Variants in EVC2 observed in about 807,000 individuals in gnomAD.
The protein encoded by EVC2 is limbin.
A neutral mutation model predicts 149.3 loss-of-function variants in EVC2; 148 were observed. That is an observed-to-expected ratio of 0.99 (90% confidence interval 0.87 to 1.14). EVC2 has a LOEUF of 1.14. EVC2 is among the 50% of genes most tolerant of loss of function. The pLI is 0.00. For missense variants in EVC2, 1,854 were observed against 1,627.3 expected, an observed-to-expected ratio of 1.14 and a Z score of -2.40; for synonymous variants, 776 against 649.9, an observed-to-expected ratio of 1.19 and a Z score of -2.95.
chr4:5,587,519 A>C lies in EVC2; in HGVS notation c.2830-2669T>G, dbSNP rs563931634. Among the ~76,000 whole-genome samples, 14 of 152,350 alleles carry C rather than the reference A, an allele frequency of 9.2e-5. 1 individual carries two copies. In the Middle Eastern group the frequency reaches 0.014, roughly 148 times the overall value. On this transcript the variant is annotated intron_variant, in intron 16 of 21. Transcript: ENST00000344408. ...GGAAGATTTTTAAAATTAAAAGAGA[A>C]TCTAACGTAAGTACCCATGTAGTTA...
rs376238707 is a variant in EVC2 at position 5,622,742 on chromosome 4, G to T, written c.2296C>A (p.Arg766Ser). The T allele has an allele frequency of 4.3e-6, 7 of 1,613,982 alleles. No individual in the cohort carries two copies. Among genetic ancestry groups the T allele is most frequent in the Non-Finnish European group, 5.9e-6 (7 of 1,180,020 alleles). Residue 766 changes from arginine to serine, a missense_variant, in exon 14 of 22, where the codon CGT becomes AGT. Transcript: ENST00000344408. This position sits in a 1 kb window ranked among gnomAD's most constrained non-coding sequence, Gnocchi z 5.8. ...TGCAGGAAGAGCCAGGGCACCCCAC[G>T]CTTGAGCAGCTCCTGGGTCATGGCT... ...NSAMTQELLK[R>S]GVPWLFLQQI...
chr4:5,585,205 G>T (rs1712169814), intron 16 of EVC2, among the ~76,000 whole-genome samples: 1 of 152,088 alleles, frequency 6.6e-6, no homozygotes, highest in South Asian at 2.1e-4. Context: ...CCCAATCCCA[G>T]CCAAGGTTCC....
intron 9 of EVC2, among the ~76,000 whole-genome samples, chr4:5,651,387 A>G (rs1230065027): frequency 2.6e-5 from 4 of 151,846 alleles, no homozygotes; most frequent in African/African-American, 4.8e-5. Context: ...TGGGTGGGTG[A>G]AAAAGATGGG....
chr4:5,534,912 A>G, the EVC2 span, among the ~76,000 whole-genome samples: 1 of 149,520 alleles, frequency 6.7e-6, no homozygotes, highest in Non-Finnish European at 1.5e-5. Flanking sequence ...TCTCATCTCT[A>G]TTTTCTAGGG....
intron 19 of EVC2, 39 bp downstream of exon 19, chr4:5,574,646 G>T: frequency 6.3e-7 from 1 of 1,585,164 alleles, no homozygotes; most frequent in Non-Finnish European, 8.7e-7. Context: ...GTGACGTGCT[G>T]GCAAGGGGTG....
At chr4:5,594,757 C>T (rs1478001174) in intron 16 of EVC2, among the ~76,000 whole-genome samples, 3 of 152,052 alleles carry the variant, frequency 2.0e-5, no homozygotes, top group Admixed American at 6.6e-5. Flanking sequence ...AGGCTTCAGA[C>T]GATCAAACTA....
intron 15 of EVC2, among the ~76,000 whole-genome samples, chr4:5,617,258 C>T (rs1292389758): frequency 6.6e-6 from 1 of 152,164 alleles, no homozygotes; most frequent in Non-Finnish European, 1.5e-5. Flanking sequence ...TTCTCTACCT[C>T]CTATAGGGCC....
In EVC2 at chr4:5,640,681, G is replaced by A. The variant is rs1369020144; in HGVS notation, c.1303C>T (p.Gln435Ter). The A allele has an allele frequency of 6.2e-7, 1 of 1,613,958 alleles. No individual in the cohort carries two copies. Among genetic ancestry groups the A allele is most frequent in the Non-Finnish European group, 8.5e-7 (1 of 1,180,020 alleles). ...ERKMSAVFKK[Q>*]FLLLENEIQE... ...ATTTCATTTTCCAGCAATAGAAACT[G>A]CTTTTTGAAAACAGCACTCATTTTT... The change falls in exon 10 of 22, where the codon CAG becomes TAG. Residue 435 changes from glutamine to a stop codon, truncating the protein, a stop_gained. Coordinates refer to ENST00000344408, the MANE Select transcript of EVC2 (RefSeq NM_147127.5). LOFTEE classifies it high-confidence loss of function. This position sits in a 1 kb window ranked among gnomAD's most constrained non-coding sequence, Gnocchi z 4.6.
intron 17 of EVC2, among the ~76,000 whole-genome samples, chr4:5,578,390 T>C (rs990343427): frequency 7.2e-5 from 11 of 152,278 alleles, no homozygotes; most frequent in African/African-American, 2.2e-4. Context: ...TTACATGAAT[T>C]AGTTGGTTTA....
intron 16 of EVC2, among the ~76,000 whole-genome samples, chr4:5,593,923 C>A (rs1713101710): frequency 6.6e-6 from 1 of 152,226 alleles, no homozygotes; most frequent in Non-Finnish European, 1.5e-5. Flanking sequence ...ATTATATCCC[C>A]CACCTGGCTT....
chr4:5,663,168 C>A lies in EVC2; in HGVS notation c.1084G>T (p.Asp362Tyr). 6.2e-7 allele frequency: 1 copy of A among 1,614,092 alleles called. No homozygotes were observed. Among genetic ancestry groups the A allele is most frequent in the Non-Finnish European group, 8.5e-7 (1 of 1,180,028 alleles). ...GAAGACAGAATGTCTATCATTTGGT[C>A]GTTAAGGGAAAGGTCCTCATTCACG... ...DGVNEDLSLNDQMIDILSSED... is the reference protein window; with the variant it reads ...DGVNEDLSLNYQMIDILSSED... The change falls in exon 9 of 22, where the codon GAC (aspartate) becomes TAC (tyrosine). Residue 362 changes from aspartate to tyrosine, a missense_variant. Physicochemically the swap from Asp to Tyr is radical, Grantham distance 160. Transcript: ENST00000344408.
chr4:5,707,596 G>A (rs1304043442), intron 1 of EVC2, among the ~76,000 whole-genome samples: 1 of 152,102 alleles, frequency 6.6e-6, no homozygotes, highest in Non-Finnish European at 1.5e-5. Flanking sequence ...CATCACCAAG[G>A]GCTGGAAGTG....
chr4:5,598,064 A>T (rs1321822924), intron 16 of EVC2, among the ~76,000 whole-genome samples: 49 of 146,304 alleles, frequency 3.3e-4, no homozygotes, highest in African/African-American at 1.2e-3. Context: ...CAAGGAAATA[A>T]AAGAGGATAC....
intron 9 of EVC2, among the ~76,000 whole-genome samples, chr4:5,653,074 C>T (rs1168450740): frequency 6.6e-6 from 1 of 152,162 alleles, no homozygotes; most frequent in Non-Finnish European, 1.5e-5. Context: ...CTTGCAGCTG[C>T]ATCATTTCAG....
intron 16 of EVC2, among the ~76,000 whole-genome samples, chr4:5,609,086 C>A (rs889738748): frequency 6.6e-6 from 1 of 152,110 alleles, no homozygotes; most frequent in East Asian, 1.9e-4. Flanking sequence ...CTGAATTATA[C>A]CACCAGGTTT....
chr4:5,643,279 G>C (rs1011066007), intron 9 of EVC2, among the ~76,000 whole-genome samples: 5 of 152,176 alleles, frequency 3.3e-5, no homozygotes, highest in Non-Finnish European at 7.3e-5. Context: ...GTACTGGAAG[G>C]AAAGCAACAT....
chr4:5,553,050 A>C (rs545262750), intron 21 of EVC2, among the ~76,000 whole-genome samples: 150 of 152,300 alleles, frequency 9.8e-4, no homozygotes, highest in African/African-American at 3.5e-3. Flanking sequence ...TCACATTGCT[A>C]TAAAGAAATA....
At chr4:5,560,445 C>A (rs1721916063), downstream of EVC2, among the ~76,000 whole-genome samples, 1 of 152,070 alleles carries the variant, frequency 6.6e-6, no homozygotes, top group Non-Finnish European at 1.5e-5. This position sits in a 1 kb window ranked among gnomAD's most constrained non-coding sequence, Gnocchi z 4.1. Flanking sequence ...CTTCACAGGG[C>A]AGTGGGAAGG....
intron 16 of EVC2, among the ~76,000 whole-genome samples, chr4:5,611,867 A>C (rs1714847596): frequency 6.6e-6 from 1 of 152,208 alleles, no homozygotes; most frequent in African/African-American, 2.4e-5. Flanking sequence ...CTGTAACCTA[A>C]GCGGCTGAAC....
Sources: gnomAD v4.1 joint callset for allele counts (sites outside exome capture counted in the v4.1 genomes callset) on GRCh38, gnomAD v4.1.1 for gene constraint, Gnocchi (gnomAD v3.1) non-coding constraint, MANE v1.5 for transcripts, NCBI Gene and HGNC (gene_info 2026-07-23, HGNC 2026-07-21) for gene names.